STAB2: variants seen among roughly 807,000 people sequenced by gnomAD.
The protein encoded by STAB2 is stabilin 2.
In STAB2, 288 loss-of-function variants were observed where a neutral mutation model predicts 338.1. The ratio of observed to expected loss-of-function variants is 0.85; its 90% confidence interval spans 0.77 to 0.94. STAB2 has a LOEUF of 0.94. Ranked by LOEUF, STAB2 falls within the 40% of genes least tolerant of loss-of-function variation. The pLI, the probability that STAB2 is intolerant of heterozygous loss-of-function variation, is 0.00. For synonymous variants in STAB2, 1,202 were observed against 1,193.3 expected (o/e 1.01, Z -0.15); for missense variants, 3,141 against 3,210.1 (o/e 0.98, Z 0.52).
chr12:103,742,285 C>CA (rs2139125985), intron 55 of STAB2, 120 bp from the exon 56 acceptor site: 1 of 1,320,094 alleles, frequency 7.6e-7, no homozygotes, highest in Non-Finnish European at 1.0e-6. Flanking sequence ...TATCCACTGA[C>CA]ACTGAAGGCG....
At chr12:103,666,013 G>A (rs1028306240) in intron 18 of STAB2, among the ~76,000 whole-genome samples, 3 of 152,230 alleles carry the variant, frequency 2.0e-5, no homozygotes, top group Non-Finnish European at 4.4e-5. Flanking sequence ...CTGGGAGCCC[G>A]TGGACAGGCT....
intron 15 of STAB2, among the ~76,000 whole-genome samples, chr12:103,659,045 G>A (rs1874403800): frequency 6.6e-6 from 1 of 152,322 alleles, no homozygotes; most frequent in Middle Eastern, 3.4e-3. Flanking sequence ...AAGGCTAGGT[G>A]ACTTGCTCAA....
chr12:103,624,455 A>G (rs1565968372), intron 5 of STAB2, among the ~76,000 whole-genome samples: 1 of 152,238 alleles, frequency 6.6e-6, no homozygotes, highest in African/African-American at 2.4e-5. Flanking sequence ...AGGTAAGTTT[A>G]TGAAGCATGC....
At chr12:103,711,115 T>C (rs1879815639) in intron 39 of STAB2, among the ~76,000 whole-genome samples, 1 of 152,078 alleles carries the variant, frequency 6.6e-6, no homozygotes, top group Admixed American at 6.6e-5. Flanking sequence ...GCATAGGAAA[T>C]ACAAATAAAA....
intron 59 of STAB2, among the ~76,000 whole-genome samples, chr12:103,750,032 G>T (rs1883485627): frequency 6.6e-6 from 1 of 152,128 alleles, no homozygotes; most frequent in African/African-American, 2.4e-5. Context: ...CTGAGCCCCA[G>T]TTTTCTCATT....
At position 103,637,993 on chromosome 12, in the gene STAB2, T is replaced by C. The variant is rs1411267393; in HGVS notation, c.710-23T>C. On this transcript the variant is annotated intron_variant, in intron 7 of 68. Transcript: ENST00000388887. Reference sequence around the variant, plus strand: ...TCCATCCCCGTTAACTAACTGCCTCTCATTTTGCTGTTGCCTCTCAAGCCA... The same window carrying C: ...TCCATCCCCGTTAACTAACTGCCTCCCATTTTGCTGTTGCCTCTCAAGCCA... The C allele has an allele frequency of 3.1e-6, 5 of 1,598,090 alleles. No homozygotes were observed. In the South Asian group the frequency reaches 4.4e-5, roughly 14 times the overall value.
chr12:103,699,293 A>T (rs1447178667), intron 34 of STAB2, 66 bp downstream of exon 34: 2 of 1,547,080 alleles, frequency 1.3e-6, no homozygotes, highest in African/African-American at 2.7e-5. Context: ...AGTATGAGGA[A>T]TGAGTGTCTT....
chr12:103,587,627 C>A (rs1183605287), intron 1 of STAB2, 70 bp downstream of exon 1: 2 of 1,342,604 alleles, frequency 1.5e-6, no homozygotes, highest in African/African-American at 3.0e-5. Context: ...TGTCGTTTTC[C>A]TCTGTTGTTA....
At chr12:103,713,838 T>G (rs1486680343) in intron 42 of STAB2, 70 bp downstream of exon 42, 1 of 1,583,652 alleles carries the variant, frequency 6.3e-7, no homozygotes, top group Non-Finnish European at 8.6e-7. Flanking sequence ...GATTCCAACG[T>G]GTGTGCCCTG....
rs1213787171 is a variant in STAB2 at position 103,766,700 on chromosome 12, G to A, written c.*364G>A. On this transcript the variant is annotated 3_prime_UTR_variant, in exon 69 of 69. Coordinates refer to ENST00000388887, the MANE Select transcript of STAB2 (RefSeq NM_017564.10). ...GACACAGGAACTGTGCACAATAAAG[G>A]TTTATGGAACAGAAACAAAGTCAAC... The A allele has an allele frequency of 5.1e-6, 1 of 196,616 alleles. No individual in the cohort carries two copies. The highest frequency in any genetic ancestry group is 1.1e-5 in the Non-Finnish European group (1 of 94,472). The allele number at this position is 196,616 out of a possible 1,614,324, so 12.2% of individuals were successfully genotyped here.
chr12:103,755,682 C>G lies in STAB2; in HGVS notation c.6951C>G (p.Val2317=). The stretch of plus-strand genomic sequence containing the variant: ...CATGCAGTGGGAACCTGCTGCAGGT[C>G]CTGATGTCCTTCCCCTCACTCACAA... The part of the protein sequence containing the change: ...GFSCSGNLLQ[V]LMSFPSLTNF... The change falls in exon 63 of 69, where the codon GTC becomes GTG. Residue 2317 remains valine (V), a synonymous_variant. Transcript: ENST00000388887. 6.2e-7 allele frequency: 1 copy of G among 1,614,138 alleles called. No homozygotes were observed. Among genetic ancestry groups the G allele is most frequent in the Non-Finnish European group, 8.5e-7 (1 of 1,180,028 alleles).
intron 45 of STAB2, among the ~76,000 whole-genome samples, chr12:103,725,421 A>G (rs893557532): frequency 6.6e-6 from 1 of 152,242 alleles, no homozygotes; most frequent in Non-Finnish European, 1.5e-5. Context: ...CAATCTGTAA[A>G]AGAAAATAAT....
In STAB2 at chr12:103,662,834, T is replaced by G; in HGVS notation, c.1870-12T>G. 1 of 1,613,970 alleles carries G rather than the reference T, an allele frequency of 6.2e-7. No homozygotes were observed. Among genetic ancestry groups the G allele is most frequent in the Non-Finnish European group, 8.5e-7 (1 of 1,179,952 alleles). On this transcript the variant is annotated splice_polypyrimidine_tract_variant and intron_variant, in intron 17 of 68. Coordinates refer to ENST00000388887, the MANE Select transcript of STAB2 (RefSeq NM_017564.10). Reference sequence around the variant, plus strand: ...ATAGTACAGAATTAGAGATGTCATTTTTTCTTTCCAGGGACAGATTCTGGC... The same window carrying G: ...ATAGTACAGAATTAGAGATGTCATTGTTTCTTTCCAGGGACAGATTCTGGC...
intron 29 of STAB2, 33 bp downstream of exon 29, chr12:103,690,015 C>G (rs553817843): frequency 6.2e-7 from 1 of 1,603,862 alleles, no homozygotes; most frequent in Non-Finnish European, 8.5e-7. Flanking sequence ...TACATCGTAT[C>G]TGAATGGCAT....
At chr12:103,590,748 A>G (rs1956783484) in intron 1 of STAB2, 149 bp from the exon 2 acceptor site, 3 of 885,036 alleles carry the variant, frequency 3.4e-6, no homozygotes, top group Middle Eastern at 3.5e-4. Flanking sequence ...GAAAGGAGCA[A>G]ACCAGTCATT....
intron 17 of STAB2, among the ~76,000 whole-genome samples, chr12:103,662,165 T>A (rs932787568): frequency 7.2e-5 from 11 of 152,126 alleles, no homozygotes; most frequent in Non-Finnish European, 7.3e-5. Context: ...TTGCAATTTT[T>A]AAAAAATTGC....
At position 103,745,437 on chromosome 12, in the gene STAB2, G is replaced by A. The variant is rs114610785; in HGVS notation, c.6136+160G>A. 9.3e-3 allele frequency among the ~76,000 whole-genome samples: 1,421 copies of A among 152,348 alleles called. 21 individuals carry two copies. Among genetic ancestry groups the A allele is most frequent in the African/African-American group, 0.033 (1,358 of 41,570 alleles). On this transcript the variant is annotated intron_variant, in intron 57 of 68. Transcript: ENST00000388887. ...TCAGATCTGTAGCCCCGGGCCTCAGGAGGATGGAGACTTGCAGTAAAACTA... is the reference window on the plus strand; with the variant it reads ...TCAGATCTGTAGCCCCGGGCCTCAGAAGGATGGAGACTTGCAGTAAAACTA...
chr12:103,742,185 A>T (rs1882637647), intron 55 of STAB2, among the ~76,000 whole-genome samples: 1 of 152,190 alleles, frequency 6.6e-6, no homozygotes, highest in Non-Finnish European at 1.5e-5. Context: ...CCCCAAATAC[A>T]GTGCACAGTT....
At chr12:103,705,783 CAT>C in intron 37 of STAB2, 56 bp downstream of exon 37, 1 of 1,525,424 alleles carries the variant, frequency 6.6e-7, no homozygotes, top group Admixed American at 1.7e-5. Flanking sequence ...GAAAATCCAT[CAT>C]ATGGTATCCT....
Sources: allele counts gnomAD v4.1 joint callset (sites outside exome capture counted in the v4.1 genomes callset), GRCh38; gene constraint gnomAD v4.1.1; transcripts MANE v1.5; gene names NCBI Gene and HGNC (gene_info 2026-07-23, HGNC 2026-07-21).